Variants in FARS2 observed in about 807,000 individuals in gnomAD.
The protein encoded by FARS2 is phenylalanine--tRNA ligase, mitochondrial.
FARS2 carries 40 observed loss-of-function variants against 46.4 expected under a neutral mutation model. The observed-to-expected ratio is 0.86, with a 90% CI of 0.67 to 1.12. The LOEUF is 1.12. FARS2 is among the 50% of genes most tolerant of loss of function. The pLI is 0.00. For synonymous variants in FARS2, 234 were observed against 214.9 expected (o/e 1.09, Z -0.78); for missense variants, 513 against 567.9 (o/e 0.90, Z 0.98).
chr6:5,394,841 G>T (rs1760799164), intron 2 of FARS2, among the ~76,000 whole-genome samples: 1 of 151,766 alleles, frequency 6.6e-6, no homozygotes, highest in African/African-American at 2.4e-5. Context: ...CTTGATGCTC[G>T]TTAACTTTTG....
intron 5 of FARS2, among the ~76,000 whole-genome samples, chr6:5,547,569 T>A (rs1277257072): frequency 6.6e-6 from 1 of 152,178 alleles, no homozygotes; most frequent in African/African-American, 2.4e-5. Context: ...TGCAGCAGAG[T>A]TTGGGATCTA....
intron 6 of FARS2, among the ~76,000 whole-genome samples, chr6:5,756,998 T>C (rs1205422516): frequency 6.6e-6 from 1 of 152,164 alleles, no homozygotes; most frequent in East Asian, 1.9e-4. Flanking sequence ...CATGACAGTG[T>C]TTCACAATCC....
chr6:5,583,157 G>A (rs1773430690), intron 5 of FARS2, among the ~76,000 whole-genome samples: 1 of 152,186 alleles, frequency 6.6e-6, no homozygotes, highest in African/African-American at 2.4e-5. Flanking sequence ...AAAAGTTATT[G>A]TAAAAACAAA....
chr6:5,658,583 A>G (rs947998001), intron 6 of FARS2, among the ~76,000 whole-genome samples: 2 of 152,244 alleles, frequency 1.3e-5, no homozygotes, highest in African/African-American at 4.8e-5. Context: ...TAAGAAATGT[A>G]TATGGCACAG....
intron 4 of FARS2, among the ~76,000 whole-genome samples, chr6:5,477,946 G>C (rs969562330): frequency 6.6e-6 from 1 of 152,172 alleles, no homozygotes; most frequent in Non-Finnish European, 1.5e-5. Flanking sequence ...CTTGAGCCCA[G>C]GAGGTCGAGG....
intron 6 of FARS2, among the ~76,000 whole-genome samples, chr6:5,632,601 TCTTC>T (rs1167771157): frequency 2.8e-5 from 4 of 142,418 alleles, no homozygotes; most frequent in Admixed American, 7.2e-5. Flanking sequence ...CCTTCCCGCT[TCTTC>T]CTTCCTTCCT....
chr6:5,432,526 TA>T (rs1288482098), intron 4 of FARS2, among the ~76,000 whole-genome samples: 1 of 41,802 alleles, frequency 2.4e-5, no homozygotes, highest in Non-Finnish European at 3.7e-5. Flanking sequence ...CATATATATA[TA>T]TTTTTTTTTT....
At chr6:5,297,889 T>A (rs1768007135) in intron 1 of FARS2, among the ~76,000 whole-genome samples, 1 of 152,252 alleles carries the variant, frequency 6.6e-6, no homozygotes, top group Non-Finnish European at 1.5e-5. Flanking sequence ...CGTTGGTTCC[T>A]GTGGAGTTTT....
rs750702672 is a variant in FARS2 at position 5,369,163 on chromosome 6, G to A, written c.593G>A (p.Arg198Gln). 4.4e-6 allele frequency: 7 copies of A among 1,607,954 alleles called. No individual in the cohort carries two copies. The highest frequency in any genetic ancestry group is 2.2e-5 in the East Asian group (1 of 44,854). ...ATTTTCCACCAGCTGGAGGCCGTGC[G>A]GCTCTTCTCCAAGCATGAGGTGAGT... is the stretch of plus-strand genomic sequence containing the variant. ...YPIFHQLEAV[R>Q]LFSKHELFAG... The change falls in exon 2 of 7, where the codon CGG becomes CAG. Residue 198 changes from arginine (R) to glutamine (Q), a missense_variant. By Grantham distance (43) the Arg-to-Gln change is conservative. Transcript: ENST00000274680.
At chr6:5,550,519 G>C (rs1162452199) in intron 5 of FARS2, among the ~76,000 whole-genome samples, 2 of 152,292 alleles carry the variant, frequency 1.3e-5, no homozygotes, top group East Asian at 3.9e-4. Context: ...GCCTGCCTTG[G>C]CCTCCCACAG....
At chr6:5,552,727 G>A (rs1056759450) in intron 5 of FARS2, among the ~76,000 whole-genome samples, 7 of 152,072 alleles carry the variant, frequency 4.6e-5, no homozygotes, top group African/African-American at 1.4e-4. Context: ...TGCCTACCAC[G>A]GCTTTCTTTA....
intron 6 of FARS2, among the ~76,000 whole-genome samples, chr6:5,679,834 C>A (rs901238070): frequency 6.6e-6 from 1 of 151,270 alleles, no homozygotes; most frequent in Non-Finnish European, 1.5e-5. Flanking sequence ...CTCAGAGGAA[C>A]CCTCACTTCC....
At chr6:5,468,507 A>T (rs1765637086) in intron 4 of FARS2, among the ~76,000 whole-genome samples, 1 of 152,228 alleles carries the variant, frequency 6.6e-6, no homozygotes, top group Admixed American at 6.5e-5. Flanking sequence ...ATTTAAGGAT[A>T]ATCCATAATA....
intron 1 of FARS2, among the ~76,000 whole-genome samples, chr6:5,284,581 T>C (rs1766981396): frequency 6.6e-6 from 1 of 152,170 alleles, no homozygotes; most frequent in Non-Finnish European, 1.5e-5. Flanking sequence ...AGTGCTTATG[T>C]TTTATATGTT....
intron 6 of FARS2, among the ~76,000 whole-genome samples, chr6:5,732,257 T>C (rs1283429527): frequency 6.6e-6 from 1 of 152,034 alleles, no homozygotes; most frequent in Non-Finnish European, 1.5e-5. Context: ...AACAGGAGTA[T>C]CATGATTGAG....
At chr6:5,419,105 C>G (rs1762403269) in intron 3 of FARS2, among the ~76,000 whole-genome samples, 1 of 151,990 alleles carries the variant, frequency 6.6e-6, no homozygotes, top group Admixed American at 6.6e-5. Flanking sequence ...GTCTTCTTTT[C>G]TGATGCAGCT....
At chr6:5,472,929 C>T (rs113850525) in intron 4 of FARS2, among the ~76,000 whole-genome samples, 5,712 of 152,218 alleles carry the variant, frequency 0.038, 152 homozygotes, top group Middle Eastern at 0.075. Context: ...ATATGTCACA[C>T]ACAAAATTTT....
chr6:5,612,908 G>A (rs1423321213), intron 5 of FARS2, among the ~76,000 whole-genome samples: 1 of 152,118 alleles, frequency 6.6e-6, no homozygotes, highest in Non-Finnish European at 1.5e-5. Flanking sequence ...TTTGTACTAA[G>A]TTGAACGTTA....
intron 6 of FARS2, among the ~76,000 whole-genome samples, chr6:5,693,427 G>A (rs79872604): frequency 0.022 from 3,335 of 152,312 alleles, 37 homozygotes; most frequent in Middle Eastern, 0.031. Context: ...CTCCCAAAGC[G>A]TGGCTGCTGA....
Sources: gnomAD v4.1 joint callset for allele counts (sites outside exome capture counted in the v4.1 genomes callset) on GRCh38, gnomAD v4.1.1 for gene constraint, MANE v1.5 for transcripts, NCBI Gene and HGNC (gene_info 2026-07-23, HGNC 2026-07-21) for gene names.